BARX1: variants seen among roughly 807,000 people sequenced by gnomAD.
BARX1 encodes homeobox protein BarH-like 1.
Under a neutral mutation model 19.6 loss-of-function variants are expected in BARX1, and 10 were observed. That is an observed-to-expected ratio of 0.51 (90% CI 0.31 to 0.86). BARX1 has a LOEUF of 0.86. BARX1 is among the 40% of genes least tolerant of loss of function. The pLI is 0.04. For synonymous variants in BARX1, 177 were observed against 170.0 expected, an observed-to-expected ratio of 1.04 and a Z score of -0.32; for missense variants, 309 against 360.4, an observed-to-expected ratio of 0.86 and a Z score of 1.15.
In BARX1 at chr9:93,952,224, C is replaced by T. The variant is rs1384913078; in HGVS notation, c.705G>A (p.Lys235=). Residue 235 remains lysine (K), a synonymous_variant, in exon 4 of 4, where the codon AAG becomes AAA. Transcript: ENST00000253968. ...GCACCTCCGCCGGTTTCTCTGCATCCTTGGCGCGCTCCTGCTCAGTAAGCT... is the reference window on the plus strand; with the variant it reads ...GCACCTCCGCCGGTTTCTCTGCATCTTTGGCGCGCTCCTGCTCAGTAAGCT... ...SEQLTEQERA[K]DAEKPAEVPG... is the part of the protein sequence containing the mutation. 1.2e-6 allele frequency: 2 copies of T among 1,611,902 alleles called. No individual in the cohort carries two copies. Among genetic ancestry groups the T allele is most frequent in the Admixed American group, 1.7e-5 (1 of 59,994 alleles).
chr9:93,952,173 G>A lies in BARX1; in HGVS notation c.756C>T (p.Arg252=). The stretch of plus-strand genomic sequence containing the variant: ...GCACCGTATACCGCCCTCAGTCCTC[G>A]CGGCTCCTGTCGCTGGGCTCGCCCG... ...EVPGEPSDRS[R]ED The change falls in exon 4 of 4, where the codon CGC becomes CGT. Residue 252 remains arginine, a synonymous_variant. Transcript: ENST00000253968. The A allele has an allele frequency of 6.2e-7, 1 of 1,607,376 alleles. No homozygotes were observed.
intron 1 of BARX1, among the ~76,000 whole-genome samples, chr9:93,954,245 C>T (rs1486160013): frequency 6.6e-6 from 1 of 152,240 alleles, no homozygotes; most frequent in Non-Finnish European, 1.5e-5. Context: ...GAGCAGGCCC[C>T]GCCAAATTAG....
chr9:93,954,805 G>C (rs1829141757), intron 1 of BARX1, 119 bp downstream of exon 1: 2 of 669,158 alleles, frequency 3.0e-6, no homozygotes, highest in Non-Finnish European at 4.2e-6. Flanking sequence ...CAGAACCTGC[G>C]CTCCCAGAGC....
rs1472276096 is a variant in BARX1, at chr9:93,955,105, C to A, written c.42G>T (p.Pro14=). ...PGEPGAARFG[P]PEGCADHRPH... The stretch of plus-strand genomic sequence containing the variant: ...GCCGGTGGTCCGCGCAGCCCTCGGG[C>A]GGGCCGAAGCGCGCGGCGCCCGGCT... Residue 14 remains proline, a synonymous_variant, in exon 1 of 4, where the codon CCG becomes CCT. Transcript: ENST00000253968. This position sits in a 1 kb window ranked among gnomAD's most constrained non-coding sequence, Gnocchi z 4.4. 3.2e-6 allele frequency: 4 copies of A among 1,260,650 alleles called. No homozygotes were observed. Among genetic ancestry groups the A allele is most frequent in the South Asian group, 5.2e-5 (2 of 38,640 alleles). 78.1% of individuals were successfully genotyped at this position (1,260,650 alleles called of 1,614,324 possible). A position where few individuals can be genotyped will look rare whatever the true frequency, so the allele number is the denominator to read the frequency against.
rs1829107647 is a variant in BARX1, at chr9:93,952,061, G to A, written c.*103C>T. On this transcript the variant is annotated 3_prime_UTR_variant, in exon 4 of 4. Coordinates refer to ENST00000253968, the MANE Select transcript of BARX1 (RefSeq NM_021570.4). The stretch of plus-strand genomic sequence containing the variant: ...TCAAGATCATAATAAAAAGGCTTAG[G>A]AAGTAAACTTCTTGGACGCGGAAGG... The A allele has an allele frequency of 2.1e-6, 3 of 1,402,104 alleles. No individual in the cohort carries two copies. Among genetic ancestry groups the A allele is most frequent in the Non-Finnish European group, 1.9e-6 (2 of 1,043,860 alleles). 86.9% of individuals were successfully genotyped at this position (1,402,104 alleles called of 1,614,324 possible). A position where few individuals can be genotyped will look rare whatever the true frequency, so the allele number is the denominator to read the frequency against.
At position 93,953,102 on chromosome 9, in the gene BARX1, C is replaced by A. The variant is rs1364955819; in HGVS notation, c.309G>T (p.Ala103=). ...CGGCGCCGGGCAGCCCGGGCCCTGC[C>A]GCCAGCAACGCAGAGCTCAGCCCTG... is the stretch of plus-strand genomic sequence containing the variant. ...GCSGLSSALL[A]AGPGLPGAAG... The change falls in exon 2 of 4, where the codon GCG becomes GCT. Residue 103 remains alanine, a synonymous_variant. Coordinates refer to ENST00000253968, the MANE Select transcript of BARX1 (RefSeq NM_021570.4). 2 of 1,557,546 alleles carry A rather than the reference C, an allele frequency of 1.3e-6. No homozygotes were observed. The highest frequency in any genetic ancestry group is 2.4e-5 in the East Asian group (1 of 41,364).
Position 93,953,089 on chromosome 9 carries a change from G to T in BARX1, c.322C>A (p.Leu108Met). Residue 108 changes from leucine to methionine, a missense_variant, in exon 2 of 4, where the codon CTG becomes ATG. This residue lies in a region of BARX1 where 204 missense variants were observed against 206.8 expected (regional missense o/e 0.99). Transcript: ENST00000253968. ...TGTGGCGCACCCGCGGCGCCGGGCA[G>T]CCCGGGCCCTGCCGCCAGCAACGCA... ...SSALLAAGPG[L>M]PGAAGAPHLP... 6.4e-7 allele frequency: 1 copy of T among 1,555,260 alleles called. No individual in the cohort carries two copies.
At chr9:93,953,591 G>A (rs1395669956) in intron 1 of BARX1, among the ~76,000 whole-genome samples, 1 of 152,252 alleles carries the variant, frequency 6.6e-6, no homozygotes, top group Non-Finnish European at 1.5e-5. Flanking sequence ...GCCTTGCTGC[G>A]TTAGAAAAAG....
chr9:93,952,072 C>A lies in BARX1; in HGVS notation c.*92G>T. 6.8e-7 allele frequency: 1 copy of A among 1,473,924 alleles called. No individual in the cohort carries two copies. The highest frequency in any genetic ancestry group is 1.3e-5 in the South Asian group (1 of 79,140). 91.3% of individuals were successfully genotyped at this position (1,473,924 alleles called of 1,614,324 possible). A position where few individuals can be genotyped will look rare whatever the true frequency, so the allele number is the denominator to read the frequency against. On this transcript the variant is annotated 3_prime_UTR_variant, in exon 4 of 4. Transcript: ENST00000253968. ...ATAAAAAGGCTTAGGAAGTAAACTT[C>A]TTGGACGCGGAAGGGCCGGCTCGCG... is the stretch of plus-strand genomic sequence containing the variant.
At chr9:93,953,399 C>G in intron 1 of BARX1, 1 of 570,504 alleles carries the variant, frequency 1.8e-6, no homozygotes, top group Non-Finnish European at 3.0e-6. Flanking sequence ...TCTCCTCGAC[C>G]CTGTCCGTGT....
intron 1 of BARX1, 23 bp from the exon 2 acceptor site, chr9:93,953,210 C>T: frequency 1.4e-6 from 2 of 1,477,788 alleles, no homozygotes; most frequent in Non-Finnish European, 8.9e-7. Flanking sequence ...AGAATGAGGA[C>T]CCGGGTGAGC....
At position 93,955,261 on chromosome 9, in the gene BARX1, C is replaced by T. The variant is rs1263128987; in HGVS notation, c.-115G>A. The T allele has an allele frequency of 1.5e-5, 5 of 343,218 alleles. No homozygotes were observed. The East Asian group carries it at 7.0e-4, about 48-fold the overall frequency. 21.3% of individuals were successfully genotyped at this position (343,218 alleles called of 1,614,324 possible). A position where few individuals can be genotyped will look rare whatever the true frequency, so the allele number is the denominator to read the frequency against. On this transcript the variant is annotated 5_prime_UTR_variant, in exon 1 of 4. Coordinates refer to ENST00000253968, the MANE Select transcript of BARX1 (RefSeq NM_021570.4). The surrounding 1 kb of genome is among the most constrained non-coding windows in gnomAD (Gnocchi z 4.4). The stretch of plus-strand genomic sequence containing the variant: ...CCCGCAGCTCGGGGCGGCGCGCGGG[C>T]GCCGGCTCATGCCCCCTCCCCCGCC...
In BARX1 at chr9:93,953,084, G is replaced by C; in HGVS notation, c.327C>G (p.Pro109=). Residue 109 remains proline (P), a synonymous_variant, in exon 2 of 4, where the codon CCC becomes CCG. Transcript: ENST00000253968. ...SALLAAGPGL[P]GAAGAPHLPL... is the part of the protein sequence containing the mutation. ...GCAGGTGTGGCGCACCCGCGGCGCC[G>C]GGCAGCCCGGGCCCTGCCGCCAGCA... 1 of 1,555,090 alleles carries C rather than the reference G, an allele frequency of 6.4e-7. No homozygotes were observed. The highest frequency in any genetic ancestry group is 8.7e-7 in the Non-Finnish European group (1 of 1,150,270).
chr9:93,952,415 G>A (rs1293698523), intron 3 of BARX1, 87 bp from the exon 4 acceptor site: 1 of 1,493,434 alleles, frequency 6.7e-7, no homozygotes, highest in Admixed American at 2.0e-5. Context: ...GGACTAAGGA[G>A]TGCAGGGTCC....
At position 93,955,077 on chromosome 9, in the gene BARX1, G is replaced by A; in HGVS notation, c.70C>T (p.His24Tyr). Residue 24 changes from histidine (H) to tyrosine (Y), a missense_variant, in exon 1 of 4, where the codon CAC becomes TAC. His to Tyr is a moderately conservative substitution (Grantham distance 83, BLOSUM62 2). Around this residue, in one of 3 missense-constraint regions of BARX1, gnomAD observed 204 missense variants for 206.8 expected, o/e 0.99. Transcript: ENST00000253968. The surrounding 1 kb of genome is among the most constrained non-coding windows in gnomAD (Gnocchi z 4.4). ...TCAATCATGAAGCTGCGATAGCGGT[G>A]CGGCCGGTGGTCCGCGCAGCCCTCG... ...PPEGCADHRP[H>Y]RYRSFMIEEI... is the part of the protein sequence containing the mutation. 7.3e-7 allele frequency: 1 copy of A among 1,374,330 alleles called. No homozygotes were observed. The highest frequency in any genetic ancestry group is 9.4e-7 in the Non-Finnish European group (1 of 1,058,714). The allele number at this position is 1,374,330 out of a possible 1,614,324, so 85.1% of individuals were successfully genotyped here. A position where few individuals can be genotyped will look rare whatever the true frequency, so the allele number is the denominator to read the frequency against.
At chr9:93,953,244 G>C in intron 1 of BARX1, 57 bp from the exon 2 acceptor site, 1 of 1,436,910 alleles carries the variant, frequency 7.0e-7, no homozygotes. Flanking sequence ...CTCTGCCCCA[G>C]GGACTGCCGC....
chr9:93,955,178 C>T lies in BARX1; in HGVS notation c.-32G>A, dbSNP rs1312711429. 6.5e-5 allele frequency: 62 copies of T among 959,904 alleles called. No individual in the cohort carries two copies. The highest frequency in any genetic ancestry group is 7.4e-5 in the Non-Finnish European group (60 of 806,420). The allele number at this position is 959,904 out of a possible 1,614,324, so 59.5% of individuals were successfully genotyped here. On this transcript the variant is annotated 5_prime_UTR_variant, in exon 1 of 4. Transcript: ENST00000253968. The surrounding 1 kb of genome is among the most constrained non-coding windows in gnomAD (Gnocchi z 4.4). ...GCCCACTGCTGCGCCCGCGGTTTGGCGGCGGCGGCGGCGACGGCTTGGCTC... is the reference window on the plus strand; with the variant it reads ...GCCCACTGCTGCGCCCGCGGTTTGGTGGCGGCGGCGGCGACGGCTTGGCTC...
In BARX1 at chr9:93,955,148, G is replaced by T. The variant is rs1452222988; in HGVS notation, c.-2C>A. On this transcript the variant is annotated 5_prime_UTR_variant, in exon 1 of 4. Coordinates refer to ENST00000253968, the MANE Select transcript of BARX1 (RefSeq NM_021570.4). This position sits in a 1 kb window ranked among gnomAD's most constrained non-coding sequence, Gnocchi z 4.4. ...GCCCGGCTCCCCCGGCCGCTGCATC[G>T]CGGCGCCCACTGCTGCGCCCGCGGT... 1.8e-6 allele frequency: 2 copies of T among 1,136,370 alleles called. No individual in the cohort carries two copies. The highest frequency in any genetic ancestry group is 1.1e-6 in the Non-Finnish European group (1 of 930,156). 70.4% of individuals were successfully genotyped at this position (1,136,370 alleles called of 1,614,324 possible).
Position 93,951,890 on chromosome 9 carries a change from G to C in BARX1, c.*274C>G, listed in dbSNP as rs1283447878. ...AGCGGGGCGTGAATACGCGTGGAGC[G>C]CTCTGCGCCACGGAGCTCAGGGTAG... On this transcript the variant is annotated 3_prime_UTR_variant, in exon 4 of 4. Coordinates refer to ENST00000253968, the MANE Select transcript of BARX1 (RefSeq NM_021570.4). 2.1e-6 allele frequency: 1 copy of C among 476,086 alleles called. No individual in the cohort carries two copies. The highest frequency in any genetic ancestry group is 2.0e-5 in the African/African-American group (1 of 51,202). 29.5% of individuals were successfully genotyped at this position (476,086 alleles called of 1,614,324 possible). A position where few individuals can be genotyped will look rare whatever the true frequency, so the allele number is the denominator to read the frequency against.
Sources: gnomAD v4.1 joint callset for allele counts (sites outside exome capture counted in the v4.1 genomes callset) on GRCh38, gnomAD v4.1.1 for gene constraint, gnomAD v4.1.1 regional missense constraint, Gnocchi (gnomAD v3.1) non-coding constraint, MANE v1.5 for transcripts, NCBI Gene and HGNC (gene_info 2026-07-23, HGNC 2026-07-21) for gene names.